Variants in GPR63 observed in about 807,000 individuals in gnomAD.
The protein encoded by GPR63 is G protein-coupled receptor 63, also known as probable G protein-coupled receptor 63.
A neutral mutation model predicts 23.1 loss-of-function variants in GPR63; 12 were observed. The observed-to-expected ratio is 0.52, with a 90% confidence interval of 0.33 to 0.84. The LOEUF (loss-of-function observed/expected upper bound fraction) is 0.84. GPR63 is among the 40% of genes least tolerant of loss of function. GPR63 has a pLI of 0.02. For missense variants in GPR63, 472 were observed against 515.6 expected (o/e 0.92, Z 0.82); for synonymous variants, 172 against 191.1 (o/e 0.90, Z 0.82).
chr6:96,824,306 T>C (rs1384548720), intron 1 of GPR63, among the ~76,000 whole-genome samples: 2 of 152,068 alleles, frequency 1.3e-5, no homozygotes, highest in Non-Finnish European at 2.9e-5. Flanking sequence ...TGGCAAACCA[T>C]TTTAAATTCA....
chr6:96,829,728 T>A (rs1309440235), intron 1 of GPR63, among the ~76,000 whole-genome samples: 4 of 151,866 alleles, frequency 2.6e-5, no homozygotes, highest in African/African-American at 7.3e-5. Context: ...TAGAATTGTA[T>A]GAAAACATAA....
At chr6:96,818,748 G>T (rs1774226034) in intron 1 of GPR63, among the ~76,000 whole-genome samples, 1 of 152,074 alleles carries the variant, frequency 6.6e-6, no homozygotes, top group Non-Finnish European at 1.5e-5. Context: ...GGCAACCCAA[G>T]AATGGGAGAA....
chr6:96,836,734 GC>G (rs1003150299), intron 1 of GPR63, among the ~76,000 whole-genome samples: 2 of 152,088 alleles, frequency 1.3e-5, no homozygotes, highest in African/African-American at 2.4e-5. Flanking sequence ...AACACACAGC[GC>G]CGCAAGCTGA....
At chr6:96,809,576 A>T (rs1485873059) in intron 1 of GPR63, among the ~76,000 whole-genome samples, 2 of 152,194 alleles carry the variant, frequency 1.3e-5, no homozygotes, top group Non-Finnish European at 2.9e-5. Flanking sequence ...TGTTCTCTTT[A>T]TATGCAATTT....
intron 1 of GPR63, among the ~76,000 whole-genome samples, chr6:96,801,939 T>G (rs889636615): frequency 2.0e-5 from 3 of 152,168 alleles, no homozygotes; most frequent in Non-Finnish European, 4.4e-5. Context: ...GTACCCTAAA[T>G]ATACATATAA....
chr6:96,836,413 C>A (rs528565557), intron 1 of GPR63, among the ~76,000 whole-genome samples: 30 of 152,222 alleles, frequency 2.0e-4, no homozygotes, highest in African/African-American at 7.0e-4. Context: ...ACCCAATAAA[C>A]AAAGAGAAAT....
In GPR63 at chr6:96,810,529, A is replaced by C. The variant is rs1032179243; in HGVS notation, c.-150-10648T>G. 8.0e-4 allele frequency among the ~76,000 whole-genome samples: 121 copies of C among 151,998 alleles called. 1 individual carries two copies. Among genetic ancestry groups the C allele is most frequent in the African/African-American group, 2.7e-3 (112 of 41,378 alleles). On this transcript the variant is annotated intron_variant, in intron 1 of 1. Transcript: ENST00000229955. ...AAAAAAAAAAGATAACAGTTAAATA[A>C]AGTGTGATACATACATACTAGGAAT...
chr6:96,826,133 T>C (rs983750953), intron 1 of GPR63, among the ~76,000 whole-genome samples: 1 of 152,126 alleles, frequency 6.6e-6, no homozygotes, highest in African/African-American at 2.4e-5. Context: ...CTGCCATCTT[T>C]AACTTGCTTT....
chr6:96,813,558 G>T (rs1199641909), intron 1 of GPR63, among the ~76,000 whole-genome samples: 2 of 152,136 alleles, frequency 1.3e-5, no homozygotes, highest in African/African-American at 4.8e-5. Flanking sequence ...ATTGAGATTT[G>T]CTTTGCATCC....
chr6:96,832,700 T>C (rs371290379), intron 1 of GPR63, among the ~76,000 whole-genome samples: 7 of 152,014 alleles, frequency 4.6e-5, no homozygotes, highest in African/African-American at 7.3e-5. Context: ...GGCTTAATAT[T>C]TGGGTGATGA....
In GPR63 at chr6:96,799,814, T is replaced by C. The variant is rs778146793; in HGVS notation, c.-83A>G. 3.2e-5 allele frequency: 43 copies of C among 1,356,450 alleles called. No individual in the cohort carries two copies. The highest frequency in any genetic ancestry group is 1.0e-4 in the African/African-American group (7 of 69,898). The allele number at this position is 1,356,450 out of a possible 1,614,324, so 84.0% of individuals were successfully genotyped here. ...CACAGAACAGCAGTATCAGGTCCCATTGATGGGCTTGGAAATACATTCTGG... is the reference window on the plus strand; with the variant it reads ...CACAGAACAGCAGTATCAGGTCCCACTGATGGGCTTGGAAATACATTCTGG... On this transcript the variant is annotated 5_prime_UTR_variant, in exon 2 of 2. It removes an upstream start codon present in the reference 5' UTR. Transcript: ENST00000229955.
intron 1 of GPR63, 104 bp from the exon 2 acceptor site, chr6:96,799,985 T>C (rs191500523): frequency 2.0e-6 from 1 of 498,802 alleles, no homozygotes; most frequent in East Asian, 3.5e-5. Flanking sequence ...TTTTGCTCTT[T>C]TTGACCGTTT....
intron 1 of GPR63, among the ~76,000 whole-genome samples, chr6:96,834,567 CA>C (rs5878452): frequency 0.16 from 21,229 of 132,772 alleles, 1,761 homozygotes; most frequent in East Asian, 0.35. Flanking sequence ...GTCATAGTTG[CA>C]AAAAAAAAAA....
intron 1 of GPR63, among the ~76,000 whole-genome samples, chr6:96,828,387 T>C (rs1029673941): frequency 6.6e-6 from 1 of 152,098 alleles, no homozygotes; most frequent in Non-Finnish European, 1.5e-5. Context: ...TATAGTCATA[T>C]TGGGGATTAG....
chr6:96,823,074 G>A (rs1426308485), intron 1 of GPR63, among the ~76,000 whole-genome samples: 1 of 152,154 alleles, frequency 6.6e-6, no homozygotes, highest in African/African-American at 2.4e-5. Context: ...CTTCTGTGCT[G>A]CCAGTTGTAT....
intron 1 of GPR63, among the ~76,000 whole-genome samples, chr6:96,803,082 C>A (rs771918350): frequency 2.0e-5 from 3 of 152,180 alleles, no homozygotes; most frequent in Non-Finnish European, 2.9e-5. Flanking sequence ...ACCTGACAAG[C>A]ACCACACTCG....
rs374552319 is a variant in GPR63, at chr6:96,822,133, CAAT to C, written c.-151+15132_-151+15134del. 4.2e-3 allele frequency among the ~76,000 whole-genome samples: 631 copies of C among 151,810 alleles called. 7 individuals carry two copies. The highest frequency in any genetic ancestry group is 0.014 in the African/African-American group (592 of 41,396). On this transcript the variant is annotated intron_variant, in intron 1 of 1. Coordinates refer to ENST00000229955, the MANE Select transcript of GPR63 (RefSeq NM_030784.4). ...TGTAATGCATTACCATAGCAAATTCCAATAATGAACACAAAGAAAAATATAGAA... is the reference window on the plus strand; with the variant it reads ...TGTAATGCATTACCATAGCAAATTCCAATGAACACAAAGAAAAATATAGAA...
At chr6:96,820,633 A>G (rs1774291404) in intron 1 of GPR63, among the ~76,000 whole-genome samples, 1 of 152,170 alleles carries the variant, frequency 6.6e-6, no homozygotes, top group South Asian at 2.1e-4. Flanking sequence ...CCAAAAAAGC[A>G]TGCTTATTTT....
chr6:96,834,662 A>G (rs985129426), intron 1 of GPR63, among the ~76,000 whole-genome samples: 2 of 151,336 alleles, frequency 1.3e-5, no homozygotes, highest in Non-Finnish European at 2.9e-5. Flanking sequence ...CAAATTAAAG[A>G]AAAAAAAACC....
Sources: gnomAD v4.1 joint callset for allele counts (sites outside exome capture counted in the v4.1 genomes callset) on GRCh38, gnomAD v4.1.1 for gene constraint, MANE v1.5 for transcripts, NCBI Gene and HGNC (gene_info 2026-07-23, HGNC 2026-07-21) for gene names.